ZNF20: variants seen among roughly 807,000 people sequenced by gnomAD.
ZNF20 encodes zinc finger protein 20.
ZNF20 carries 9 observed loss-of-function variants against 11.0 expected under a neutral mutation model. That is an observed-to-expected ratio of 0.82 (90% CI 0.49 to 1.43). The LOEUF (loss-of-function observed/expected upper bound fraction) is 1.43. ZNF20 is among the 40% of genes most tolerant of loss of function. The pLI is 0.00. For synonymous variants in ZNF20, 182 were observed against 213.0 expected (o/e 0.85, Z 1.27); for missense variants, 528 against 640.8 (o/e 0.82, Z 1.90).
At chr19:12,135,192 T>C (rs1035074523) in intron 3 of ZNF20, among the ~76,000 whole-genome samples, 1 of 150,680 alleles carries the variant, frequency 6.6e-6, no homozygotes, top group Non-Finnish European at 1.5e-5. Context: ...CAGGCTGGAG[T>C]GCAGTGGTGC....
chr19:12,138,170 G>A (rs1237750041), intron 1 of ZNF20, among the ~76,000 whole-genome samples: 3 of 152,152 alleles, frequency 2.0e-5, no homozygotes, highest in African/African-American at 7.2e-5. Flanking sequence ...AAGGAAACAG[G>A]CCAGGCACGG....
intron 1 of ZNF20, chr19:12,136,761 T>C (rs1019357389): frequency 4.1e-5 from 15 of 361,624 alleles, no homozygotes; most frequent in African/African-American, 1.3e-4. Context: ...GATGGAAAGA[T>C]AGACTAATGG....
At chr19:12,140,052 T>C (rs1976774981) in intron 1 of ZNF20, 128 bp downstream of exon 1, 1 of 1,287,520 alleles carries the variant, frequency 7.8e-7, no homozygotes, top group Non-Finnish European at 1.1e-6. Flanking sequence ...AGGGACGAGC[T>C]GAGACAGAGG....
chr19:12,138,947 G>C (rs920865421), intron 1 of ZNF20, among the ~76,000 whole-genome samples: 2 of 152,236 alleles, frequency 1.3e-5, no homozygotes, highest in African/African-American at 4.8e-5. Context: ...GGGTAGCAGG[G>C]TGGAGGATTT....
Position 12,136,014 on chromosome 19 carries a change from G to A in ZNF20, c.4-110C>T, listed in dbSNP as rs1976705350. 2.2e-6 allele frequency: 3 copies of A among 1,364,376 alleles called. No individual in the cohort carries two copies. The Admixed American group carries it at 7.9e-5, about 36-fold the overall frequency. The allele number at this position is 1,364,376 out of a possible 1,614,324, so 84.5% of individuals were successfully genotyped here. On this transcript the variant is annotated intron_variant, in intron 1 of 3. Coordinates refer to ENST00000334213, the MANE Select transcript of ZNF20 (RefSeq NM_021143.4). The stretch of plus-strand genomic sequence containing the variant: ...ACTCCAAACATTTATCCCATGACTT[G>A]GTCATCACACCTCTTACTTTCTGTC...
intron 1 of ZNF20, among the ~76,000 whole-genome samples, chr19:12,138,488 G>A (rs1976747883): frequency 6.6e-6 from 1 of 150,724 alleles, no homozygotes; most frequent in African/African-American, 2.4e-5. Flanking sequence ...GACATTCTGA[G>A]ATGGTGTCTG....
rs1161940680 is a variant in ZNF20 at position 12,135,560 on chromosome 19, C to A, written c.140G>T (p.Gly47Val). ...AATGTTCTGAACTTTCCATGTTTTT[C>A]CTAAAACACAGACCCGGAGAAAACA... Reference protein sequence around the residue: ...QETFKNLTSVGKTWKVQNIED... With the variant: ...QETFKNLTSVVKTWKVQNIED... Residue 47 changes from glycine to valine, a missense_variant and splice_region_variant, in exon 3 of 4, where the codon GGA becomes GTA. Physicochemically the swap from Gly to Val is moderately radical, Grantham distance 109. Coordinates refer to ENST00000334213, the MANE Select transcript of ZNF20 (RefSeq NM_021143.4). 6.2e-7 allele frequency: 1 copy of A among 1,612,472 alleles called. No homozygotes were observed. Among genetic ancestry groups the A allele is most frequent in the Non-Finnish European group, 8.5e-7 (1 of 1,179,598 alleles).
At chr19:12,134,149 C>T (rs1391491135) in intron 3 of ZNF20, among the ~76,000 whole-genome samples, 164 bp from the exon 4 acceptor site, 1 of 151,718 alleles carries the variant, frequency 6.6e-6, no homozygotes, top group Non-Finnish European at 1.5e-5. Context: ...CATGGTGAAA[C>T]CCCGTCTCTA....
chr19:12,139,316 T>G lies in ZNF20; in HGVS notation c.3+864A>C, dbSNP rs140389226. ...TTCTGTAACGGGGCCTTTGAGCCCC[T>G]GTGCTCAGCCCCGCTTGCACACTGT... On this transcript the variant is annotated intron_variant, in intron 1 of 3. Coordinates refer to ENST00000334213, the MANE Select transcript of ZNF20 (RefSeq NM_021143.4). This position sits in a 1 kb window ranked among gnomAD's most constrained non-coding sequence, Gnocchi z 4.0. Among the ~76,000 whole-genome samples the G allele has an allele frequency of 2.0e-5, 3 of 152,360 alleles. No homozygotes were observed. In the East Asian group the frequency reaches 5.8e-4, roughly 29 times the overall value.
At position 12,133,023 on chromosome 19, in the gene ZNF20, G is replaced by A. The variant is rs199910328; in HGVS notation, c.1163C>T (p.Thr388Met). 289 of 1,613,824 alleles carry A rather than the reference G, an allele frequency of 1.8e-4. No individual in the cohort carries two copies. The highest frequency in any genetic ancestry group is 3.6e-4 in the African/African-American group (27 of 74,858). The change falls in exon 4 of 4, where the codon ACG becomes ATG. Residue 388 changes from threonine (T) to methionine (M), a missense_variant. Transcript: ENST00000334213. Reference sequence around the variant, plus strand: ...TTCATGGGGTTTCTCTCCACTGTGCGTCCTTTCATGAATTTGAAGTTGTGA... The same window carrying A: ...TTCATGGGGTTTCTCTCCACTGTGCATCCTTTCATGAATTTGAAGTTGTGA... ...CASQLQIHER[T>M]HSGEKPHECK... is the part of the protein sequence containing the mutation.
At chr19:12,136,456 C>T (rs762279962) in intron 1 of ZNF20, among the ~76,000 whole-genome samples, 2 of 151,774 alleles carry the variant, frequency 1.3e-5, no homozygotes, top group Non-Finnish European at 2.9e-5. Flanking sequence ...CCAAGGTGGG[C>T]GGATCACCTG....
In ZNF20 at chr19:12,133,966, A is replaced by G. The variant is rs960829871; in HGVS notation, c.220T>C (p.Cys74Arg). The G allele has an allele frequency of 6.8e-6, 11 of 1,608,540 alleles. No homozygotes were observed. The Admixed American group carries it at 1.2e-4, about 17-fold the overall frequency. ...CAGTGATGACTTTCTTTACTTTCAC[A>G]GAGTTTCTCTCTCATAAGACTTCAG... ...RNLSLMREKL[C>R]ESKESHHCGE... is the part of the protein sequence containing the mutation. The change falls in exon 4 of 4, where the codon TGT becomes CGT. Residue 74 changes from cysteine to arginine, a missense_variant. Cys to Arg is a radical substitution (Grantham distance 180). Coordinates refer to ENST00000334213, the MANE Select transcript of ZNF20 (RefSeq NM_021143.4).
chr19:12,133,980 A>T lies in ZNF20; in HGVS notation c.206T>A (p.Met69Lys), dbSNP rs749629923. The T allele has an allele frequency of 6.2e-7, 1 of 1,601,150 alleles. No homozygotes were observed. The highest frequency in any genetic ancestry group is 1.7e-5 in the Admixed American group (1 of 57,812). Residue 69 changes from methionine to lysine, a missense_variant, in exon 4 of 4, where the codon ATG (methionine) becomes AAG (lysine). Transcript: ENST00000334213. The stretch of plus-strand genomic sequence containing the variant: ...TTTACTTTCACAGAGTTTCTCTCTC[A>T]TAAGACTTCAGTGAAAAATGAGAAG... ...YKNPRRNLSL[M>K]REKLCESKES... is the part of the protein sequence containing the mutation.
chr19:12,134,093 G>A (rs1332779235), intron 3 of ZNF20, 108 bp from the exon 4 acceptor site: 1 of 921,104 alleles, frequency 1.1e-6, no homozygotes. Flanking sequence ...GGAGGCTGAG[G>A]TGGGCAGATC....
Position 12,139,676 on chromosome 19 carries a change from G to A in ZNF20, c.3+504C>T, listed in dbSNP as rs1976767998. On this transcript the variant is annotated intron_variant, in intron 1 of 3. Coordinates refer to ENST00000334213, the MANE Select transcript of ZNF20 (RefSeq NM_021143.4). The surrounding 1 kb of genome is among the most constrained non-coding windows in gnomAD (Gnocchi z 4.0). Reference sequence around the variant, plus strand: ...CTCCTGAGTAGCGGGGACTACAGGCGCATGCCACCATGCCCGGCTAATTTT... The same window carrying A: ...CTCCTGAGTAGCGGGGACTACAGGCACATGCCACCATGCCCGGCTAATTTT... Among the ~76,000 whole-genome samples, 1 of 151,856 alleles carries A rather than the reference G, an allele frequency of 6.6e-6. No homozygotes were observed. Among genetic ancestry groups the A allele is most frequent in the South Asian group, 2.1e-4 (1 of 4,810 alleles).
chr19:12,133,939 C>G lies in ZNF20; in HGVS notation c.247G>C (p.Gly83Arg), dbSNP rs370563476. 38 of 1,612,636 alleles carry G rather than the reference C, an allele frequency of 2.4e-5. No individual in the cohort carries two copies. Among genetic ancestry groups the G allele is most frequent in the Non-Finnish European group, 3.1e-5 (37 of 1,179,394 alleles). ...TCTGCAATCTGGTTGAAGCTTTCTC[C>G]ACAGTGATGACTTTCTTTACTTTCA... The part of the protein sequence containing the change: ...LCESKESHHC[G>R]ESFNQIADDM... The change falls in exon 4 of 4, where the codon GGA becomes CGA. Residue 83 changes from glycine to arginine, a missense_variant. Coordinates refer to ENST00000334213, the MANE Select transcript of ZNF20 (RefSeq NM_021143.4).
chr19:12,133,083 C>G lies in ZNF20; in HGVS notation c.1103G>C (p.Gly368Ala). The G allele has an allele frequency of 6.2e-7, 1 of 1,613,556 alleles. No homozygotes were observed. Among genetic ancestry groups the G allele is most frequent in the South Asian group, 1.1e-5 (1 of 91,046 alleles). ...EKTHTEDKPY[G>A]CKQCGKGFRC... ...AAAGCCTTTCCCACACTGCTTACAT[C>G]CATAGGGTTTATCCTCAGTGTGTGT... Residue 368 changes from glycine to alanine, a missense_variant, in exon 4 of 4, where the codon GGA (glycine) becomes GCA (alanine). Transcript: ENST00000334213.
intron 1 of ZNF20, chr19:12,136,749 C>A (rs1976718540): frequency 3.0e-6 from 1 of 331,266 alleles, no homozygotes; most frequent in Non-Finnish European, 5.9e-6. Context: ...ATGGTATTAA[C>A]AGATGGAAAG....
At position 12,132,339 on chromosome 19, in the gene ZNF20, T is replaced by G. The variant is rs1976635415; in HGVS notation, c.*248A>C. ...GTAGCCACACACCTCTCTCCCTGTG[T>G]GGGGCCTCTAATATGTGACTGATGC... On this transcript the variant is annotated 3_prime_UTR_variant, in exon 4 of 4. Coordinates refer to ENST00000334213, the MANE Select transcript of ZNF20 (RefSeq NM_021143.4). The G allele has an allele frequency of 2.2e-6, 1 of 451,510 alleles. No homozygotes were observed. 28.0% of individuals were successfully genotyped at this position (451,510 alleles called of 1,614,324 possible). A position where few individuals can be genotyped will look rare whatever the true frequency, so the allele number is the denominator to read the frequency against.
Sources: gnomAD v4.1 joint callset for allele counts (sites outside exome capture counted in the v4.1 genomes callset) on GRCh38, gnomAD v4.1.1 for gene constraint, Gnocchi (gnomAD v3.1) non-coding constraint, MANE v1.5 for transcripts, NCBI Gene and HGNC (gene_info 2026-07-23, HGNC 2026-07-21) for gene names.